Variants in ANKRD29 observed in about 807,000 individuals in gnomAD.
The protein encoded by ANKRD29 is ankyrin repeat domain 29.
ANKRD29 carries 32 observed loss-of-function variants against 38.0 expected under a neutral mutation model. That is an observed-to-expected ratio of 0.84 (90% CI 0.64 to 1.13). The LOEUF (loss-of-function observed/expected upper bound fraction) is 1.13, where lower values mean the gene tolerates loss of function less well. Among genes scored for constraint, ANKRD29 ranks in the 50% most tolerant of loss-of-function variants. ANKRD29 has a pLI of 0.00. For synonymous variants in ANKRD29, 135 were observed against 152.4 expected (o/e 0.89, Z 0.84); for missense variants, 357 against 377.9 (o/e 0.94, Z 0.46).
At chr18:23,637,551 C>T (rs1044571646) in intron 4 of ANKRD29, among the ~76,000 whole-genome samples, 1 of 152,002 alleles carries the variant, frequency 6.6e-6, no homozygotes, top group Non-Finnish European at 1.5e-5. Flanking sequence ...GCATGTGCCA[C>T]CATGCCCAGC....
intron 1 of ANKRD29, among the ~76,000 whole-genome samples, chr18:23,655,163 T>G (rs1447541824): frequency 6.6e-6 from 1 of 151,530 alleles, no homozygotes; most frequent in East Asian, 1.9e-4. Context: ...AAATAAAATT[T>G]TAAGCCCCCC....
rs889818126 is a variant in ANKRD29 at position 23,599,636 on chromosome 18, C to A, written c.*1590G>T. 6.6e-6 allele frequency: 1 copy of A among 152,188 alleles called. No individual in the cohort carries two copies. The highest frequency in any genetic ancestry group is 1.5e-5 in the Non-Finnish European group (1 of 68,032). 9.4% of individuals were successfully genotyped at this position (152,188 alleles called of 1,614,324 possible). On this transcript the variant is annotated 3_prime_UTR_variant, in exon 10 of 10. Coordinates refer to ENST00000592179, the MANE Select transcript of ANKRD29 (RefSeq NM_173505.4). ...GAGGAAATGGCATTGATTTTAGCCA[C>A]CAAAATGTTTATATCTGGATGTTTT...
At position 23,638,898 on chromosome 18, in the gene ANKRD29, A is replaced by G; in HGVS notation, c.281T>C (p.Val94Ala). The G allele has an allele frequency of 1.2e-6, 2 of 1,613,376 alleles. No homozygotes were observed. The highest frequency in any genetic ancestry group is 2.2e-5 in the South Asian group (2 of 90,846). Residue 94 changes from valine to alanine, a missense_variant, in exon 4 of 10, where the codon GTC becomes GCC. Transcript: ENST00000592179. ...FFAAQQGHNDVVRFLFGFGAS... is the reference protein window; with the variant it reads ...FFAAQQGHNDAVRFLFGFGAS... ...TCCAAATCCAAAGAGAAATCTCACG[A>G]CATCATTATGGCCTTGCTGGGCGGC...
intron 3 of ANKRD29, among the ~76,000 whole-genome samples, chr18:23,641,943 C>T (rs1165208938): frequency 2.6e-5 from 4 of 152,134 alleles, no homozygotes; most frequent in Admixed American, 2.0e-4. Flanking sequence ...CATTTTGGGT[C>T]TCCTCAGATC....
intron 1 of ANKRD29, chr18:23,649,437 T>C: frequency 1.4e-6 from 1 of 690,854 alleles, no homozygotes; most frequent in South Asian, 1.5e-5. Context: ...TAATAACCTA[T>C]TTCCCACTAA....
chr18:23,602,817 T>A (rs1018766302), intron 9 of ANKRD29, among the ~76,000 whole-genome samples: 12 of 151,944 alleles, frequency 7.9e-5, no homozygotes, highest in Non-Finnish European at 1.3e-4. Context: ...GAGAAAATTT[T>A]AAAAATATAT....
At chr18:23,601,969 A>T (rs2059518484) in intron 9 of ANKRD29, among the ~76,000 whole-genome samples, 1 of 151,610 alleles carries the variant, frequency 6.6e-6, no homozygotes. Context: ...CCTTATATTT[A>T]TTAATGTATG....
chr18:23,659,721 G>A (rs1450158952), intron 1 of ANKRD29, among the ~76,000 whole-genome samples: 1 of 145,366 alleles, frequency 6.9e-6, no homozygotes, highest in Admixed American at 7.0e-5. Context: ...CCAGCCTGAT[G>A]ACAGAGTGAG....
Position 23,662,806 on chromosome 18 carries a change from CG to C in ANKRD29, c.-77del. ...TGTCCTCCCCGGCCCTTCACTCTCC[CG>C]GGGCTCTCGGCGTTCCGCAGAGGGG... On this transcript the variant is annotated 5_prime_UTR_variant, in exon 1 of 10. Coordinates refer to ENST00000592179, the MANE Select transcript of ANKRD29 (RefSeq NM_173505.4). 1 of 1,267,842 alleles carries C rather than the reference CG, an allele frequency of 7.9e-7. No individual in the cohort carries two copies. Among genetic ancestry groups the C allele is most frequent in the South Asian group, 2.3e-5 (1 of 43,746 alleles). 78.5% of individuals were successfully genotyped at this position (1,267,842 alleles called of 1,614,324 possible).
intron 7 of ANKRD29, 196 bp downstream of exon 7, chr18:23,619,335 G>C (rs1320833444): frequency 6.9e-6 from 4 of 582,946 alleles, no homozygotes; most frequent in Non-Finnish European, 1.2e-5. Flanking sequence ...ACCCTCTCTA[G>C]TGCGTCCCAA....
At chr18:23,609,230 C>T (rs2059611079) in intron 9 of ANKRD29, 1 of 152,220 alleles carries the variant, frequency 6.6e-6, no homozygotes, top group East Asian at 1.9e-4. Context: ...AGACCTTGCA[C>T]TTGATGGATC....
At chr18:23,616,002 C>A (rs2059709875) in intron 8 of ANKRD29, among the ~76,000 whole-genome samples, 2 of 149,558 alleles carry the variant, frequency 1.3e-5, no homozygotes, top group African/African-American at 4.9e-5. Flanking sequence ...TCTACACATA[C>A]CGTATGTATG....
chr18:23,658,356 C>T (rs755041465), intron 1 of ANKRD29, among the ~76,000 whole-genome samples: 7 of 152,136 alleles, frequency 4.6e-5, no homozygotes, highest in South Asian at 2.1e-4. Context: ...TGTAGTGAAT[C>T]GTGATTGTGC....
intron 9 of ANKRD29, among the ~76,000 whole-genome samples, chr18:23,611,712 G>A (rs1488990303): frequency 2.6e-5 from 4 of 151,576 alleles, no homozygotes; most frequent in South Asian, 2.1e-4. Context: ...CATTGATAGC[G>A]CCCTCACCCA....
In ANKRD29 at chr18:23,662,749, G is replaced by C. The variant is rs1379697257; in HGVS notation, c.-19C>G. 6.8e-7 allele frequency: 1 copy of C among 1,461,506 alleles called. No homozygotes were observed. Among genetic ancestry groups the C allele is most frequent in the Non-Finnish European group, 9.0e-7 (1 of 1,110,600 alleles). The allele number at this position is 1,461,506 out of a possible 1,614,324, so 90.5% of individuals were successfully genotyped here. A position where few individuals can be genotyped will look rare whatever the true frequency, so the allele number is the denominator to read the frequency against. The stretch of plus-strand genomic sequence containing the variant: ...TGCACATGTCCGCGGCCGCCCGAGC[G>C]GGAGCCGGCGCGCTTTGGGCCCGGG... On this transcript the variant is annotated 5_prime_UTR_variant, in exon 1 of 10. Coordinates refer to ENST00000592179, the MANE Select transcript of ANKRD29 (RefSeq NM_173505.4).
chr18:23,639,494 A>T (rs1568037222), intron 3 of ANKRD29, among the ~76,000 whole-genome samples: 1 of 152,024 alleles, frequency 6.6e-6, no homozygotes, highest in East Asian at 1.9e-4. Flanking sequence ...TAAGCTAGTC[A>T]TAAAAGGCCA....
At chr18:23,653,404 C>T (rs971318142) in intron 1 of ANKRD29, among the ~76,000 whole-genome samples, 1 of 152,032 alleles carries the variant, frequency 6.6e-6, no homozygotes, top group African/African-American at 2.4e-5. Context: ...GCACCTGCCA[C>T]TACGCCCGGC....
At chr18:23,614,487 TACAA>T (rs1318206072) in intron 8 of ANKRD29, among the ~76,000 whole-genome samples, 1 of 152,154 alleles carries the variant, frequency 6.6e-6, no homozygotes, top group Non-Finnish European at 1.5e-5. Flanking sequence ...ATTCTTACTT[TACAA>T]ACAATTTTAA....
intron 9 of ANKRD29, among the ~76,000 whole-genome samples, chr18:23,611,580 G>A (rs2059642192): frequency 6.6e-6 from 1 of 152,160 alleles, no homozygotes; most frequent in South Asian, 2.1e-4. Flanking sequence ...AGCTACTCAG[G>A]AGGCTGAGGC....
Sources: gnomAD v4.1 joint callset for allele counts (sites outside exome capture counted in the v4.1 genomes callset) on GRCh38, gnomAD v4.1.1 for gene constraint, MANE v1.5 for transcripts, NCBI Gene and HGNC (gene_info 2026-07-23, HGNC 2026-07-21) for gene names.